The following OR4K2 variants were observed in gnomAD, a reference collection of about 807,000 sequenced individuals.
OR4K2 encodes olfactory receptor family 4 subfamily K member 2.
OR4K2 carries 8 observed loss-of-function variants against 10.5 expected under a neutral mutation model. The observed-to-expected ratio is 0.76, with a 90% CI of 0.45 to 1.37. The LOEUF (loss-of-function observed/expected upper bound fraction) is 1.37, where lower values mean the gene tolerates loss of function less well. OR4K2 is among the 40% of genes most tolerant of loss of function. The pLI, the probability that OR4K2 is intolerant of heterozygous loss-of-function variation, is 0.00. For synonymous variants in OR4K2, 178 were observed against 133.6 expected (o/e 1.33, Z -2.29); for missense variants, 547 against 379.5 (o/e 1.44, Z -3.67).
Position 19,883,887 on chromosome 14 carries a change from G to T in OR4K2, c.*6675G>T, listed in dbSNP as rs1473773234. On this transcript the variant is annotated 3_prime_UTR_variant, in exon 2 of 2. Transcript: ENST00000641885. Reference sequence around the variant, plus strand: ...TTGTACCTGGAGACCGTTTTGATCTGCCCTCCTCACCTCACATTTCACACA... The same window carrying T: ...TTGTACCTGGAGACCGTTTTGATCTTCCCTCCTCACCTCACATTTCACACA... The T allele has an allele frequency of 6.6e-6, 1 of 152,174 alleles. No individual in the cohort carries two copies. Among genetic ancestry groups the T allele is most frequent in the Non-Finnish European group, 1.5e-5 (1 of 68,036 alleles). The allele number at this position is 152,174 out of a possible 1,614,324, so 9.4% of individuals were successfully genotyped here. A position where few individuals can be genotyped will look rare whatever the true frequency, so the allele number is the denominator to read the frequency against.
chr14:19,883,038 G>A lies in OR4K2; in HGVS notation c.*5826G>A, dbSNP rs897336549. ...GAGAAGGGGTTATAATTTATCTTTT[G>A]AAAAACCTGAGTTATTTACCATCTA... On this transcript the variant is annotated 3_prime_UTR_variant, in exon 2 of 2. Coordinates refer to ENST00000641885, the MANE Select transcript of OR4K2 (RefSeq NM_001005501.2). The A allele has an allele frequency of 6.6e-6, 1 of 152,362 alleles. No individual in the cohort carries two copies. The highest frequency in any genetic ancestry group is 1.5e-5 in the Non-Finnish European group (1 of 68,134). The allele number at this position is 152,362 out of a possible 1,614,324, so 9.4% of individuals were successfully genotyped here.
rs1880930466 is a variant in OR4K2, at chr14:19,877,167, A to T, written c.900A>T (p.Lys300Asn). 1 of 1,598,588 alleles carries T rather than the reference A, an allele frequency of 6.3e-7. No individual in the cohort carries two copies. The highest frequency in any genetic ancestry group is 1.3e-5 in the African/African-American group (1 of 74,608). ...RNQEVKIAMRKLKNRFLNFNK... is the reference protein window; with the variant it reads ...RNQEVKIAMRNLKNRFLNFNK... ...AAGAAGTAAAGATAGCCATGAGGAAACTGAAAAATAGGTTTCTAAATTTTA... is the reference window on the plus strand; with the variant it reads ...AAGAAGTAAAGATAGCCATGAGGAATCTGAAAAATAGGTTTCTAAATTTTA... The change falls in exon 2 of 2, where the codon AAA becomes AAT. Residue 300 changes from lysine to asparagine, a missense_variant. Lys to Asn is a moderately conservative substitution (Grantham distance 94). Transcript: ENST00000641885.
rs1881036840 is a variant in OR4K2 at position 19,881,568 on chromosome 14, AC to A, written c.*4357del. On this transcript the variant is annotated 3_prime_UTR_variant, in exon 2 of 2. Coordinates refer to ENST00000641885, the MANE Select transcript of OR4K2 (RefSeq NM_001005501.2). ...TACTATAGTTTCATTTTTATTTTTT[AC>A]TCTGATAATTTACACTGCCAATATA... 6.6e-6 allele frequency: 1 copy of A among 151,844 alleles called. No individual in the cohort carries two copies. Among genetic ancestry groups the A allele is most frequent in the South Asian group, 2.1e-4 (1 of 4,814 alleles). The allele number at this position is 151,844 out of a possible 1,614,324, so 9.4% of individuals were successfully genotyped here. A position where few individuals can be genotyped will look rare whatever the true frequency, so the allele number is the denominator to read the frequency against.
chr14:19,876,997 T>C lies in OR4K2; in HGVS notation c.730T>C (p.Phe244Leu). 6.2e-7 allele frequency: 1 copy of C among 1,613,964 alleles called. No individual in the cohort carries two copies. The highest frequency in any genetic ancestry group is 8.5e-7 in the Non-Finnish European group (1 of 1,179,974). The change falls in exon 2 of 2, where the codon TTC (phenylalanine) becomes CTC (leucine). Residue 244 changes from phenylalanine (F) to leucine (L), a missense_variant. Phe to Leu is a conservative substitution (Grantham distance 22). Transcript: ENST00000641885. The part of the protein sequence containing the change: ...SKALSTCTAH[F>L]IVVFLFFGPC... The stretch of plus-strand genomic sequence containing the variant: ...GGCCCTTTCTACTTGTACAGCTCAT[T>C]TCATTGTTGTCTTCTTGTTCTTTGG...
rs977074491 is a variant in OR4K2, at chr14:19,876,558, C to T, written c.291C>T (p.Cys97=). 6.2e-7 allele frequency: 1 copy of T among 1,614,156 alleles called. No individual in the cohort carries two copies. Among genetic ancestry groups the T allele is most frequent in the East Asian group, 2.2e-5 (1 of 44,886 alleles). ...ACAAAACCATCTCTTTTGATGGCTG[C>T]CTTACCCAGATATTCTTTCTCCACC... ...TGHKTISFDG[C]LTQIFFLHLF... Residue 97 remains cysteine, a synonymous_variant, in exon 2 of 2, where the codon TGC becomes TGT. Transcript: ENST00000641885.
At position 19,877,122 on chromosome 14, in the gene OR4K2, A is replaced by G. The variant is rs1300796242; in HGVS notation, c.855A>G (p.Ile285Met). 7.5e-6 allele frequency: 12 copies of G among 1,606,318 alleles called. No individual in the cohort carries two copies. The highest frequency in any genetic ancestry group is 1.0e-5 in the Non-Finnish European group (12 of 1,179,796). ...YTIFTPTLNP[I>M]IYTLRNQEVK... ...TCTTTACTCCCACTCTGAACCCAATAATCTATACTTTGAGGAATCAAGAAG... is the reference window on the plus strand; with the variant it reads ...TCTTTACTCCCACTCTGAACCCAATGATCTATACTTTGAGGAATCAAGAAG... The change falls in exon 2 of 2, where the codon ATA becomes ATG. Residue 285 changes from isoleucine (I) to methionine (M), a missense_variant. Coordinates refer to ENST00000641885, the MANE Select transcript of OR4K2 (RefSeq NM_001005501.2).
At position 19,876,428 on chromosome 14, in the gene OR4K2, A is replaced by T. The variant is rs74036118; in HGVS notation, c.161A>T (p.His54Leu). Residue 54 changes from histidine (H) to leucine (L), a missense_variant, in exon 2 of 2, where the codon CAC becomes CTC. Transcript: ENST00000641885. The part of the protein sequence containing the change: ...LIVITVIVDP[H>L]LHSPMYFLLT... ...GTCATCACAGTTATAGTGGACCCTC[A>T]CCTACACTCTCCTATGTATTTCCTG... is the stretch of plus-strand genomic sequence containing the variant. 1,781 of 1,613,828 alleles carry T rather than the reference A, an allele frequency of 1.1e-3. 15 individuals carry two copies. In the African/African-American group the frequency reaches 0.018, roughly 17 times the overall value.
chr14:19,878,953 A>T lies in OR4K2; in HGVS notation c.*1741A>T, dbSNP rs1299376622. 3 of 152,258 alleles carry T rather than the reference A, an allele frequency of 2.0e-5. No homozygotes were observed. Among genetic ancestry groups the T allele is most frequent in the Non-Finnish European group, 4.4e-5 (3 of 68,032 alleles). 9.4% of individuals were successfully genotyped at this position (152,258 alleles called of 1,614,324 possible). ...ATTTCTTTGTCCAGGGAATATTTTC[A>T]AAACTGTGCTGCTTTTTGCAATATA... On this transcript the variant is annotated 3_prime_UTR_variant, in exon 2 of 2. Coordinates refer to ENST00000641885, the MANE Select transcript of OR4K2 (RefSeq NM_001005501.2).
rs10444710 is a variant in OR4K2, at chr14:19,880,313, C to G, written c.*3101C>G. 18,767 of 149,036 alleles carry G rather than the reference C, an allele frequency of 0.13. 316 individuals carry two copies. The highest frequency in any genetic ancestry group is 0.19 in the South Asian group (866 of 4,644). The allele number at this position is 149,036 out of a possible 1,614,324, so 9.2% of individuals were successfully genotyped here. A position where few individuals can be genotyped will look rare whatever the true frequency, so the allele number is the denominator to read the frequency against. On this transcript the variant is annotated 3_prime_UTR_variant, in exon 2 of 2. Transcript: ENST00000641885. ...TAAACTTAAGCTAAGTACTTAATAC[C>G]TCTTAGCCTCAGTTTCTACATATGT... is the stretch of plus-strand genomic sequence containing the variant.
Position 19,876,451 on chromosome 14 carries a change from C to T in OR4K2, c.184C>T (p.Leu62=). 1 of 1,614,156 alleles carries T rather than the reference C, an allele frequency of 6.2e-7. No individual in the cohort carries two copies. Among genetic ancestry groups the T allele is most frequent in the African/African-American group, 1.3e-5 (1 of 75,048 alleles). Residue 62 remains leucine (L), a synonymous_variant, in exon 2 of 2, where the codon CTG becomes TTG. Coordinates refer to ENST00000641885, the MANE Select transcript of OR4K2 (RefSeq NM_001005501.2). ...TCACCTACACTCTCCTATGTATTTC[C>T]TGCTTACCAATCTTTCAATCATTGA... is the stretch of plus-strand genomic sequence containing the variant. ...DPHLHSPMYF[L]LTNLSIIDMS... is the part of the protein sequence containing the mutation.
At position 19,877,791 on chromosome 14, in the gene OR4K2, A is replaced by G. The variant is rs1430416778; in HGVS notation, c.*579A>G. On this transcript the variant is annotated 3_prime_UTR_variant, in exon 2 of 2. Transcript: ENST00000641885. ...CCATAAAATTGCCGTAAGTGTAGCA[A>G]TCTTTACCAACCACTTTTAGTTCAT... The G allele has an allele frequency of 6.5e-6, 1 of 152,756 alleles. No individual in the cohort carries two copies. The highest frequency in any genetic ancestry group is 2.4e-5 in the African/African-American group (1 of 41,468). 9.5% of individuals were successfully genotyped at this position (152,756 alleles called of 1,614,324 possible).
rs1881058058 is a variant in OR4K2, at chr14:19,882,366, T to TTTTTTTTTTTTTTTTTG, written c.*5154_*5155insTTTTTTTTTTTTTTTTG. ...ATCAATTTGTAGATTTCAAGATTCT[T>TTTTTTTTTTTTTTTTTG]ATGCAACAGAAAACATGCTAATAGA... On this transcript the variant is annotated 3_prime_UTR_variant, in exon 2 of 2. Coordinates refer to ENST00000641885, the MANE Select transcript of OR4K2 (RefSeq NM_001005501.2). The TTTTTTTTTTTTTTTTTG allele has an allele frequency of 6.6e-6, 1 of 152,240 alleles. No individual in the cohort carries two copies. Among genetic ancestry groups the TTTTTTTTTTTTTTTTTG allele is most frequent in the African/African-American group, 2.4e-5 (1 of 41,436 alleles). The allele number at this position is 152,240 out of a possible 1,614,324, so 9.4% of individuals were successfully genotyped here.
At position 19,876,742 on chromosome 14, in the gene OR4K2, C is replaced by T. The variant is rs767041208; in HGVS notation, c.475C>T (p.Gln159Ter). The change falls in exon 2 of 2, where the codon CAG becomes TAG. Residue 159 changes from glutamine (Q) to a stop codon, truncating the protein, a stop_gained. Transcript: ENST00000641885. LOFTEE classifies it high-confidence loss of function. ...WIMGVMHSMS[Q>*]VIFALTLPFC... ...TATGGGAGTTATGCATTCAATGAGT[C>T]AGGTCATATTTGCCCTCACGTTACC... The T allele has an allele frequency of 1.9e-6, 3 of 1,614,076 alleles. No individual in the cohort carries two copies. In the South Asian group the frequency reaches 3.3e-5, roughly 18 times the overall value.
rs767780653 is a variant in OR4K2, at chr14:19,878,157, G to A, written c.*945G>A. ...TAAGTATGTTTTTGTACACAAATAG[G>A]TTTTATTACTGTTATAAATAAATCT... is the stretch of plus-strand genomic sequence containing the variant. On this transcript the variant is annotated 3_prime_UTR_variant, in exon 2 of 2. Coordinates refer to ENST00000641885, the MANE Select transcript of OR4K2 (RefSeq NM_001005501.2). 1.3e-5 allele frequency: 2 copies of A among 152,178 alleles called. No individual in the cohort carries two copies. The highest frequency in any genetic ancestry group is 4.8e-5 in the African/African-American group (2 of 41,454). The allele number at this position is 152,178 out of a possible 1,614,324, so 9.4% of individuals were successfully genotyped here.
In OR4K2 at chr14:19,876,997, T is replaced by G; in HGVS notation, c.730T>G (p.Phe244Val). 1 of 1,613,964 alleles carries G rather than the reference T, an allele frequency of 6.2e-7. No homozygotes were observed. The stretch of plus-strand genomic sequence containing the variant: ...GGCCCTTTCTACTTGTACAGCTCAT[T>G]TCATTGTTGTCTTCTTGTTCTTTGG... Reference protein sequence around the residue: ...SKALSTCTAHFIVVFLFFGPC... With the variant: ...SKALSTCTAHVIVVFLFFGPC... The change falls in exon 2 of 2, where the codon TTC becomes GTC. Residue 244 changes from phenylalanine (F) to valine (V), a missense_variant. Phe to Val is a conservative substitution (Grantham distance 50). Transcript: ENST00000641885.
At position 19,875,981 on chromosome 14, in the gene OR4K2, G is replaced by A. The variant is rs1880883568; in HGVS notation, c.-177G>A. 2.6e-6 allele frequency: 1 copy of A among 384,180 alleles called. No homozygotes were observed. The highest frequency in any genetic ancestry group is 4.7e-6 in the Non-Finnish European group (1 of 213,668). The allele number at this position is 384,180 out of a possible 1,614,324, so 23.8% of individuals were successfully genotyped here. ...ATAGGTAGGTATGTCTGTTCAGAAT[G>A]ATATTATCTTGGTTGGATTGCCATT... On this transcript the variant is annotated 5_prime_UTR_variant, in exon 1 of 2. The change abolishes an upstream ATG in the 5' untranslated region. Transcript: ENST00000641885.
rs1426465272 is a variant in OR4K2, at chr14:19,877,732, T to A, written c.*520T>A. ...TGTGATCTCTTCTATTAAAGAAAAC[T>A]CTAGATATATTTTATTTCGAATGTT... On this transcript the variant is annotated 3_prime_UTR_variant, in exon 2 of 2. Transcript: ENST00000641885. 6.5e-6 allele frequency: 1 copy of A among 153,046 alleles called. No homozygotes were observed. The highest frequency in any genetic ancestry group is 1.5e-5 in the Non-Finnish European group (1 of 68,650). 9.5% of individuals were successfully genotyped at this position (153,046 alleles called of 1,614,324 possible). A position where few individuals can be genotyped will look rare whatever the true frequency, so the allele number is the denominator to read the frequency against.
chr14:19,876,566 A>G lies in OR4K2; in HGVS notation c.299A>G (p.Gln100Arg), dbSNP rs1300861546. 8 of 1,614,088 alleles carry G rather than the reference A, an allele frequency of 5.0e-6. No individual in the cohort carries two copies. Among genetic ancestry groups the G allele is most frequent in the African/African-American group, 1.3e-5 (1 of 74,936 alleles). ...KTISFDGCLT[Q>R]IFFLHLFTGT... ...ATCTCTTTTGATGGCTGCCTTACCC[A>G]GATATTCTTTCTCCACCTTTTCACT... The change falls in exon 2 of 2, where the codon CAG (glutamine) becomes CGG (arginine). Residue 100 changes from glutamine (Q) to arginine (R), a missense_variant. Gln to Arg is a conservative substitution (Grantham distance 43, BLOSUM62 1). Coordinates refer to ENST00000641885, the MANE Select transcript of OR4K2 (RefSeq NM_001005501.2).
chr14:19,875,982 A>G lies in OR4K2; in HGVS notation c.-176A>G, dbSNP rs1880883616. ...TAGGTAGGTATGTCTGTTCAGAATG[A>G]TATTATCTTGGTTGGATTGCCATTA... is the stretch of plus-strand genomic sequence containing the variant. On this transcript the variant is annotated 5_prime_UTR_variant, in exon 1 of 2. Transcript: ENST00000641885. 16 of 390,304 alleles carry G rather than the reference A, an allele frequency of 4.1e-5. No individual in the cohort carries two copies. In the South Asian group the frequency reaches 5.5e-4, roughly 13 times the overall value. The allele number at this position is 390,304 out of a possible 1,614,324, so 24.2% of individuals were successfully genotyped here. A position where few individuals can be genotyped will look rare whatever the true frequency, so the allele number is the denominator to read the frequency against.
Sources: gnomAD v4.1 joint callset for allele counts on GRCh38, gnomAD v4.1.1 for gene constraint, MANE v1.5 for transcripts, NCBI Gene and HGNC (gene_info 2026-07-23, HGNC 2026-07-21) for gene names.